PPIL1: variants seen among roughly 807,000 people sequenced by gnomAD.
The protein encoded by PPIL1 is peptidyl-prolyl cis-trans isomerase-like 1.
A neutral mutation model predicts 19.4 loss-of-function variants in PPIL1; 14 were observed. The ratio of observed to expected loss-of-function variants is 0.72; its 90% confidence interval spans 0.48 to 1.13. The LOEUF is 1.13. Among genes scored for constraint, PPIL1 ranks in the 50% most tolerant of loss-of-function variants. The pLI is 0.00. For missense variants in PPIL1, 192 were observed against 218.0 expected (o/e 0.88, Z 0.75); for synonymous variants, 72 against 73.6 (o/e 0.98, Z 0.11).
chr6:36,869,627 T>TG (rs1421380798), intron 2 of PPIL1, among the ~76,000 whole-genome samples: 3 of 151,958 alleles, frequency 2.0e-5, no homozygotes, highest in African/African-American at 7.3e-5. Context: ...CTCCAGCACT[T>TG]GCGAAGGTAA....
At position 36,868,674 on chromosome 6, in the gene PPIL1, A is replaced by G. The variant is rs147844936; in HGVS notation, c.211+3044T>C. 1.1e-4 allele frequency among the ~76,000 whole-genome samples: 16 copies of G among 152,246 alleles called. 1 individual carries two copies. Among genetic ancestry groups the G allele is most frequent in the African/African-American group, 3.6e-4 (15 of 41,548 alleles). On this transcript the variant is annotated intron_variant, in intron 2 of 3. Transcript: ENST00000373699. ...GCAACAGTGAGACCTCAACTCTATA[A>G]AAAATTTAAAAATTAGTGAGGCATG... is the stretch of plus-strand genomic sequence containing the variant.
At chr6:36,871,626 C>A in intron 2 of PPIL1, 92 bp downstream of exon 2, 2 of 1,459,094 alleles carry the variant, frequency 1.4e-6, no homozygotes, top group Non-Finnish European at 1.9e-6. Flanking sequence ...CTATTTACGA[C>A]AGAGACTTCA....
chr6:36,859,290 T>C (rs941963910), intron 2 of PPIL1, among the ~76,000 whole-genome samples: 6 of 152,072 alleles, frequency 3.9e-5, no homozygotes, highest in Admixed American at 2.6e-4. Context: ...CCAGGCGTGG[T>C]GGCACGTGCC....
Position 36,855,465 on chromosome 6 carries a change from T to C in PPIL1, c.*348A>G, listed in dbSNP as rs1583102767. ...AATATAAATCTCCTTAGGAAGAAGT[T>C]TGGTTAGGCAAAACCACTGAGAAAT... On this transcript the variant is annotated 3_prime_UTR_variant, in exon 4 of 4. Transcript: ENST00000373699. The C allele has an allele frequency of 1.0e-5, 3 of 300,060 alleles. No homozygotes were observed. The East Asian group carries it at 2.4e-4, about 24-fold the overall frequency. The allele number at this position is 300,060 out of a possible 1,614,324, so 18.6% of individuals were successfully genotyped here.
chr6:36,859,811 T>TTTTGTGTGTGTGTGTGTGTG (rs112797928), intron 2 of PPIL1, among the ~76,000 whole-genome samples: 27 of 144,886 alleles, frequency 1.9e-4, no homozygotes, highest in African/African-American at 6.5e-4. Context: ...CTGTTTTCTA[T>TTTTGTGTGTGTGTGTGTGTG]TGTGTGTGTG....
In PPIL1 at chr6:36,856,638, A is replaced by G. The variant is rs1774173449; in HGVS notation, c.228T>C (p.Ser76=). 6 of 1,614,048 alleles carry G rather than the reference A, an allele frequency of 3.7e-6. No individual in the cohort carries two copies. Among genetic ancestry groups the G allele is most frequent in the East Asian group, 4.5e-5 (2 of 44,906 alleles). ...CATCTTCAAACTGTTTGCCATAGAT[A>G]GATGCACCACCTCGACCTGCCCGAT... ...DPTGTGRGGA[S]IYGKQFEDEL... The change falls in exon 3 of 4, where the codon TCT becomes TCC. Residue 76 remains serine (S), a synonymous_variant. Coordinates refer to ENST00000373699, the MANE Select transcript of PPIL1 (RefSeq NM_016059.5).
chr6:36,871,880 G>C lies in PPIL1; in HGVS notation c.57-8C>G. The C allele has an allele frequency of 6.4e-7, 1 of 1,570,740 alleles. No homozygotes were observed. The highest frequency in any genetic ancestry group is 8.6e-7 in the Non-Finnish European group (1 of 1,164,252). On this transcript the variant is annotated splice_region_variant and splice_polypyrimidine_tract_variant and intron_variant, in intron 1 of 3. Transcript: ENST00000373699. The stretch of plus-strand genomic sequence containing the variant: ...AGCACAATGATTCCCATGCTGCAGA[G>C]GGAGAGGACAACAGCTCCAGTAAAC...
In PPIL1 at chr6:36,855,832, T is replaced by G; in HGVS notation, c.482A>C (p.Lys161Thr). 6.2e-7 allele frequency: 1 copy of G among 1,614,204 alleles called. No homozygotes were observed. Residue 161 changes from lysine (K) to threonine (T), a missense_variant, in exon 4 of 4, where the codon AAG (lysine) becomes ACG (threonine). Lys to Thr is a moderately conservative substitution (Grantham distance 78, BLOSUM62 -1). Transcript: ENST00000373699. The part of the protein sequence containing the change: ...DRPVDDVKII[K>T]AYPSG ...GCAAGTCTACCCAGAAGGGTATGCC[T>G]TAATGATCTTCACGTCGTCCACAGG...
At position 36,871,746 on chromosome 6, in the gene PPIL1, C is replaced by A; in HGVS notation, c.183G>T (p.Met61Ile). The A allele has an allele frequency of 6.2e-7, 1 of 1,610,112 alleles. No individual in the cohort carries two copies. The change falls in exon 2 of 4, where the codon ATG (methionine) becomes ATT (isoleucine). Residue 61 changes from methionine (M) to isoleucine (I), a missense_variant. Met to Ile is a conservative substitution (Grantham distance 10). Coordinates refer to ENST00000373699, the MANE Select transcript of PPIL1 (RefSeq NM_016059.5). ...TKFHRIIKDF[M>I]IQGGDPTGTG... ...TCCCTGTTGGGTCACCTCCTTGGAT[C>A]ATGAAGTCTTTGATAATTCTGTGGA...
intron 2 of PPIL1, among the ~76,000 whole-genome samples, chr6:36,857,800 G>A (rs1774198111): frequency 6.6e-6 from 1 of 152,060 alleles, no homozygotes. Flanking sequence ...ATGAATAAAG[G>A]GAAAATGAAG....
chr6:36,863,663 C>T (rs944976504), intron 2 of PPIL1, among the ~76,000 whole-genome samples: 7 of 152,168 alleles, frequency 4.6e-5, no homozygotes, highest in Non-Finnish European at 1.0e-4. Context: ...CACCAAGTGT[C>T]TCTACTTCTC....
At chr6:36,865,858 G>T (rs980168231) in intron 2 of PPIL1, among the ~76,000 whole-genome samples, 2 of 152,202 alleles carry the variant, frequency 1.3e-5, no homozygotes, top group Admixed American at 1.3e-4. Context: ...CCAGGCCTTA[G>T]AATAGCACAG....
intron 1 of PPIL1, among the ~76,000 whole-genome samples, chr6:36,873,810 C>G (rs55921347): frequency 0.013 from 2,030 of 152,196 alleles, 21 homozygotes; most frequent in Non-Finnish European, 0.019. Flanking sequence ...TGGCTGGTCC[C>G]TGGCTGTTGA....
At chr6:36,866,674 A>C (rs1774399314) in intron 2 of PPIL1, among the ~76,000 whole-genome samples, 1 of 152,178 alleles carries the variant, frequency 6.6e-6, no homozygotes, top group African/African-American at 2.4e-5. Flanking sequence ...GTCACTTCCA[A>C]TACTTGTACC....
At chr6:36,869,138 C>G in intron 2 of PPIL1, among the ~76,000 whole-genome samples, 1 of 152,040 alleles carries the variant, frequency 6.6e-6, no homozygotes, top group Non-Finnish European at 1.5e-5. Context: ...GCATATGCGA[C>G]CATGCCCAGC....
chr6:36,865,713 C>A (rs367557686), intron 2 of PPIL1, among the ~76,000 whole-genome samples: 3 of 152,264 alleles, frequency 2.0e-5, no homozygotes, highest in African/African-American at 7.2e-5. Flanking sequence ...TAATCCACAC[C>A]GTACTATCAT....
intron 2 of PPIL1, chr6:36,858,431 T>C (rs1252645700): frequency 6.6e-6 from 1 of 152,264 alleles, no homozygotes; most frequent in African/African-American, 2.4e-5. Flanking sequence ...ACTGGATTGG[T>C]ACTCTGCTTG....
intron 1 of PPIL1, among the ~76,000 whole-genome samples, chr6:36,872,535 G>A (rs191795072): frequency 1.3e-5 from 2 of 152,164 alleles, no homozygotes; most frequent in East Asian, 3.9e-4. Context: ...AAAAGATAAG[G>A]AAGAGGCAAG....
rs1200059333 is a variant in PPIL1 at position 36,854,876 on chromosome 6, T to C, written c.*937A>G. The C allele has an allele frequency of 1.3e-5, 2 of 152,674 alleles. No individual in the cohort carries two copies. The highest frequency in any genetic ancestry group is 4.8e-5 in the African/African-American group (2 of 41,474). The allele number at this position is 152,674 out of a possible 1,614,324, so 9.5% of individuals were successfully genotyped here. On this transcript the variant is annotated 3_prime_UTR_variant, in exon 4 of 4. Transcript: ENST00000373699. The stretch of plus-strand genomic sequence containing the variant: ...ATTGTGGAAGTTTCTATGTATTACA[T>C]AGGTATTAACTTCCTTCCTCTCCTG...
Sources: gnomAD v4.1 joint callset for allele counts (sites outside exome capture counted in the v4.1 genomes callset) on GRCh38, gnomAD v4.1.1 for gene constraint, MANE v1.5 for transcripts, NCBI Gene and HGNC (gene_info 2026-07-23, HGNC 2026-07-21) for gene names.